The following NAV3 variants were observed in gnomAD, a reference collection of about 807,000 sequenced individuals.
The protein encoded by NAV3 is pore membrane and/or filament interacting like protein 1.
A neutral mutation model predicts 244.7 loss-of-function variants in NAV3; 87 were observed. The observed-to-expected ratio is 0.36, with a 90% confidence interval of 0.30 to 0.42. The LOEUF (loss-of-function observed/expected upper bound fraction) is 0.42, where lower values mean the gene tolerates loss of function less well. Ranked by LOEUF, NAV3 falls within the 20% of genes least tolerant of loss-of-function variation. The pLI, the probability that NAV3 is intolerant of heterozygous loss-of-function variation, is 1.00. For synonymous variants in NAV3, 1,126 were observed against 1,042.2 expected, an observed-to-expected ratio of 1.08 and a Z score of -1.55; for missense variants, 2,663 against 2,893.3, an observed-to-expected ratio of 0.92 and a Z score of 1.83.
intron 33 of NAV3, among the ~76,000 whole-genome samples, 174 bp from the exon 34 acceptor site, chr12:78,189,810 A>G (rs1463410008): frequency 1.3e-5 from 2 of 151,926 alleles, no homozygotes; most frequent in Non-Finnish European, 2.9e-5. Context: ...TATTACTGAT[A>G]TATTTTCTTC....
Position 78,017,220 on chromosome 12 carries a change from G to A in NAV3, c.1908-4527G>A, listed in dbSNP as rs78504143. On this transcript the variant is annotated intron_variant, in intron 8 of 39. Transcript: ENST00000397909. ...GGCACATATTAAGTGCACAAAAACA[G>A]GTAATAGCTCTCATGGTAATCACTG... 2.9e-3 allele frequency among the ~76,000 whole-genome samples: 448 copies of A among 152,228 alleles called. 2 individuals carry two copies. Among genetic ancestry groups the A allele is most frequent in the African/African-American group, 0.01 (432 of 41,558 alleles).
chr12:77,986,089 C>T (rs1448048383), intron 5 of NAV3, among the ~76,000 whole-genome samples: 4 of 152,248 alleles, frequency 2.6e-5, no homozygotes, highest in Non-Finnish European at 4.4e-5. Context: ...GGGCTGGGCG[C>T]GGTGGCTCAT....
chr12:77,963,814 GT>G (rs1025220611), intron 3 of NAV3, among the ~76,000 whole-genome samples: 1 of 151,824 alleles, frequency 6.6e-6, no homozygotes, highest in African/African-American at 2.4e-5. Flanking sequence ...ATCATTTGTT[GT>G]TGTTGTTCTC....
intron 1 of NAV3, among the ~76,000 whole-genome samples, chr12:77,917,592 G>C (rs59781127): frequency 0.02 from 3,025 of 152,016 alleles, 38 homozygotes; most frequent in African/African-American, 0.035. Flanking sequence ...CCTGGGTATT[G>C]CCTGTTTGCC....
intron 3 of NAV3, among the ~76,000 whole-genome samples, chr12:77,959,270 G>T (rs1344436881): frequency 1.3e-5 from 2 of 151,956 alleles, no homozygotes; most frequent in Non-Finnish European, 2.9e-5. Flanking sequence ...TGTAAATTGG[G>T]CTCTATGGGT....
intron 2 of NAV3, among the ~76,000 whole-genome samples, chr12:77,693,074 A>G (rs1257668360): frequency 6.6e-6 from 1 of 152,154 alleles, no homozygotes; most frequent in Non-Finnish European, 1.5e-5. Context: ...AAGAAAGCCA[A>G]AGTGTCCAGA....
intron 5 of NAV3, among the ~76,000 whole-genome samples, chr12:77,985,161 G>T (rs935911085): frequency 6.6e-6 from 1 of 152,126 alleles, no homozygotes; most frequent in Admixed American, 6.6e-5. Context: ...GGTTTTAGGG[G>T]TTATAATTCT....
intron 9 of NAV3, among the ~76,000 whole-genome samples, chr12:78,045,839 C>T (rs767696022): frequency 2.6e-5 from 4 of 152,076 alleles, no homozygotes; most frequent in Admixed American, 6.5e-5. Context: ...TGTTAGAATT[C>T]GACTGTGAAT....
At chr12:77,874,126 A>T (rs1731700) in intron 1 of NAV3, among the ~76,000 whole-genome samples, 27,389 of 151,866 alleles carry the variant, frequency 0.18, 3,179 homozygotes, top group African/African-American at 0.34. Context: ...CTGTGAAAAA[A>T]TTGTCTTCAG....
chr12:77,757,591 C>T (rs1869250051), intron 2 of NAV3, among the ~76,000 whole-genome samples: 1 of 152,260 alleles, frequency 6.6e-6, no homozygotes, highest in South Asian at 2.1e-4. Flanking sequence ...TATGTCTATG[C>T]ATAGTGAATA....
intron 2 of NAV3, among the ~76,000 whole-genome samples, chr12:77,749,758 A>G (rs1868744460): frequency 6.6e-6 from 1 of 152,224 alleles, no homozygotes; most frequent in Non-Finnish European, 1.5e-5. Context: ...TTTAGACCAC[A>G]TCCAGCAGGT....
intron 28 of NAV3, among the ~76,000 whole-genome samples, chr12:78,178,848 A>G (rs1302813925): frequency 2.6e-5 from 4 of 152,164 alleles, no homozygotes; most frequent in Admixed American, 2.6e-4. Context: ...AGCTGTCCAC[A>G]AAACAATAAA....
chr12:78,006,015 A>T (rs1217285171), intron 7 of NAV3, among the ~76,000 whole-genome samples: 1 of 152,298 alleles, frequency 6.6e-6, no homozygotes, highest in African/African-American at 2.4e-5. Flanking sequence ...TTCAAGCATT[A>T]TACAACATAT....
At chr12:77,689,064 T>C (rs1338106221) in intron 2 of NAV3, among the ~76,000 whole-genome samples, 2 of 151,874 alleles carry the variant, frequency 1.3e-5, no homozygotes, top group Non-Finnish European at 2.9e-5. Context: ...AAGGAAGTGA[T>C]GGGGTTGAGT....
intron 2 of NAV3, among the ~76,000 whole-genome samples, chr12:77,777,676 G>C (rs1395523238): frequency 1.3e-5 from 2 of 152,052 alleles, no homozygotes; most frequent in Non-Finnish European, 2.9e-5. Flanking sequence ...TATATCGTTA[G>C]GATAATAAAG....
rs766656790 is a variant in NAV3, at chr12:77,730,380, C to T, written c.72+158114C>T. Among the ~76,000 whole-genome samples the T allele has an allele frequency of 4.6e-5, 7 of 151,156 alleles. No homozygotes were observed. In the South Asian group the frequency reaches 8.3e-4, roughly 18 times the overall value. On this transcript the variant is annotated intron_variant, in intron 2 of 8. Transcript: ENST00000550042. ...AAAAAGATTTTTAGAAATGAAAACA[C>T]GTGATTCCGGAAACTAAAAAAAACA...
At chr12:77,706,500 A>C (rs1317368069) in intron 2 of NAV3, among the ~76,000 whole-genome samples, 1 of 151,376 alleles carries the variant, frequency 6.6e-6, no homozygotes, top group African/African-American at 2.5e-5. Context: ...GCCAGTTGGT[A>C]AGTTATGATT....
chr12:77,642,340 C>CT, intron 2 of NAV3, among the ~76,000 whole-genome samples: 1 of 152,110 alleles, frequency 6.6e-6, no homozygotes, highest in South Asian at 2.1e-4. Context: ...AGAATATTGC[C>CT]TTTCAGGAGC....
chr12:77,874,486 C>T (rs964412487), intron 1 of NAV3, among the ~76,000 whole-genome samples: 3 of 152,062 alleles, frequency 2.0e-5, no homozygotes, highest in African/African-American at 7.2e-5. Context: ...ACTGGGATTA[C>T]AGGCATGATT....
Sources: allele counts gnomAD v4.1 joint callset (sites outside exome capture counted in the v4.1 genomes callset), GRCh38; gene constraint gnomAD v4.1.1; transcripts MANE v1.5; gene names NCBI Gene and HGNC (gene_info 2026-07-23, HGNC 2026-07-21).